ASMTL: variants seen among roughly 807,000 people sequenced by gnomAD.
ASMTL encodes probable bifunctional dTTP/UTP pyrophosphatase/methyltransferase protein.
In ASMTL, 57 loss-of-function variants were observed where a neutral mutation model predicts 60.3. That is an observed-to-expected ratio of 0.95 (90% CI 0.76 to 1.18). ASMTL has a LOEUF of 1.18. Among genes scored for constraint, ASMTL ranks in the 50% most tolerant of loss-of-function variants. The pLI, the probability that ASMTL is intolerant of heterozygous loss-of-function variation, is 0.00. For missense variants in ASMTL, 981 were observed against 852.6 expected (o/e 1.15, Z -1.88); for synonymous variants, 419 against 373.0 (o/e 1.12, Z -1.42).
intron 6 of ASMTL, 112 bp downstream of exon 6, chrX:1,432,157 C>G: frequency 1.2e-6 from 1 of 843,088 alleles, no homozygotes. Flanking sequence ...TGCCACACGG[C>G]CCCCGGAGCG....
At chrX:1,452,497 G>A (rs1194106381) in intron 1 of ASMTL, among the ~76,000 whole-genome samples, 1 of 149,278 alleles carries the variant, frequency 6.7e-6, no homozygotes, top group African/African-American at 2.5e-5. Flanking sequence ...CATCCCTATG[G>A]GGACCCAGGT....
In ASMTL at chrX:1,435,278, C is replaced by T. The variant is rs371070606; in HGVS notation, c.339-195G>A. On this transcript the variant is annotated intron_variant, in intron 4 of 12. Transcript: ENST00000381317. ...GAGGCCGAGGGAAGGGGTCACAAAT[C>T]CCACCAGCAGTGGCCCTGACGGGAG... The T allele has an allele frequency of 7.5e-4, 506 of 676,322 alleles. 2 individuals carry two copies. The highest frequency in any genetic ancestry group is 7.1e-3 in the African/African-American group (399 of 56,190). 41.9% of individuals were successfully genotyped at this position (676,322 alleles called of 1,614,324 possible).
At chrX:1,442,079 G>A in intron 2 of ASMTL, 107 bp downstream of exon 2, 3 of 1,335,276 alleles carry the variant, frequency 2.2e-6, no homozygotes, top group South Asian at 2.6e-5. Context: ...GCCACCAACT[G>A]CATCTTTTGA....
chrX:1,431,860 C>G, intron 6 of ASMTL: 1 of 200,818 alleles, frequency 5.0e-6, no homozygotes, highest in East Asian at 1.3e-4. Context: ...CCCGTGCTCA[C>G]CAATCTGTGG....
chrX:1,407,540 G>A (rs2089911051), intron 12 of ASMTL, among the ~76,000 whole-genome samples: 1 of 151,822 alleles, frequency 6.6e-6, no homozygotes, highest in African/African-American at 2.4e-5. Flanking sequence ...GTAGGTAGAT[G>A]ATGGATGGAT....
At chrX:1,432,555 C>A (rs1427582656) in intron 5 of ASMTL, among the ~76,000 whole-genome samples, 178 bp from the exon 6 acceptor site, 1 of 152,204 alleles carries the variant, frequency 6.6e-6, no homozygotes, top group Non-Finnish European at 1.5e-5. Flanking sequence ...AGGGGCCGGG[C>A]GCGGTGGCTC....
intron 11 of ASMTL, chrX:1,413,733 C>G (rs1300002398): frequency 6.6e-6 from 1 of 152,306 alleles, no homozygotes; most frequent in Non-Finnish European, 1.5e-5. Flanking sequence ...AGGGTGTCCC[C>G]TAAATCCAAT....
At position 1,412,915 on chromosome X, in the gene ASMTL, C is replaced by T. The variant is rs184571688; in HGVS notation, c.1523-61G>A. 158 of 1,598,332 alleles carry T rather than the reference C, an allele frequency of 9.9e-5. No individual in the cohort carries two copies. The African/African-American group carries it at 1.9e-3, about 19-fold the overall frequency. On this transcript the variant is annotated intron_variant, in intron 11 of 12. Coordinates refer to ENST00000381317, the MANE Select transcript of ASMTL (RefSeq NM_004192.4). ...TATGGAAGAAGCAGTCCTCCCCGGA[C>T]AGATCCTGGGACGGCCACCCGCATC...
intron 1 of ASMTL, among the ~76,000 whole-genome samples, chrX:1,443,253 ACGCCGCCGTCTTGGACACACAC>A (rs2091151036): frequency 1.7e-5 from 2 of 118,016 alleles, no homozygotes; most frequent in South Asian, 5.1e-4. Context: ...TCGTGGACAC[ACGCCGCCGTCTTGGACACACAC>A]CGCCATCATG....
intron 11 of ASMTL, chrX:1,413,108 A>C: frequency 2.0e-6 from 1 of 503,916 alleles, no homozygotes; most frequent in South Asian, 2.7e-5. Flanking sequence ...CACACCTGTA[A>C]TCTCAGCATT....
intron 12 of ASMTL, among the ~76,000 whole-genome samples, chrX:1,410,978 G>A (rs765942151): frequency 1.8e-4 from 27 of 151,998 alleles, no homozygotes; most frequent in Admixed American, 4.6e-4. Flanking sequence ...CCGAGGTTGG[G>A]AGTTCGAGAC....
chrX:1,412,587 TC>T, intron 12 of ASMTL, 144 bp downstream of exon 12: 1 of 1,070,986 alleles, frequency 9.3e-7, no homozygotes. Context: ...GGTCTGAAAC[TC>T]CTGACCTCAG....
At chrX:1,432,506 T>A in intron 5 of ASMTL, 129 bp from the exon 6 acceptor site, 1 of 714,518 alleles carries the variant, frequency 1.4e-6, no homozygotes, top group Non-Finnish European at 2.5e-6. Flanking sequence ...GGATGCTTCA[T>A]GGGAGAATAA....
intron 1 of ASMTL, among the ~76,000 whole-genome samples, chrX:1,449,367 T>C (rs1218886924): frequency 6.6e-6 from 1 of 151,918 alleles, no homozygotes; most frequent in Non-Finnish European, 1.5e-5. Context: ...GCCCTGGACC[T>C]GCCCTGCAGA....
Position 1,452,748 on chromosome X carries a change from C to T in ASMTL, c.93G>A (p.Ala31=). The change falls in exon 1 of 13, where the codon GCG becomes GCA. Residue 31 remains alanine, a splice_region_variant and synonymous_variant. Coordinates refer to ENST00000381317, the MANE Select transcript of ASMTL (RefSeq NM_004192.4). ...SPRRQEILSN[A]GLRFEVVPSK... is the part of the protein sequence containing the mutation. ...TGCCCCGCCCAGGCCCAGGCCGTACCGCGTTGCTGAGGATCTCCTGACGGC... is the reference window on the plus strand; with the variant it reads ...TGCCCCGCCCAGGCCCAGGCCGTACTGCGTTGCTGAGGATCTCCTGACGGC... The T allele has an allele frequency of 1.9e-6, 3 of 1,589,352 alleles. No homozygotes were observed. The highest frequency in any genetic ancestry group is 2.3e-5 in the South Asian group (2 of 88,230).
chrX:1,446,745 A>C (rs1236832413), intron 1 of ASMTL, among the ~76,000 whole-genome samples: 1 of 151,996 alleles, frequency 6.6e-6, no homozygotes, highest in Non-Finnish European at 1.5e-5. Context: ...GTGATCCGCC[A>C]ACCTCGGCCT....
In ASMTL at chrX:1,428,027, T is replaced by A; in HGVS notation, c.604A>T (p.Asn202Tyr). 1 of 1,613,662 alleles carries A rather than the reference T, an allele frequency of 6.2e-7. No individual in the cohort carries two copies. The highest frequency in any genetic ancestry group is 8.5e-7 in the Non-Finnish European group (1 of 1,179,860). The change falls in exon 7 of 13, where the codon AAC (asparagine) becomes TAC (tyrosine). Residue 202 changes from asparagine (N) to tyrosine (Y), a missense_variant. By Grantham distance (143) the Asn-to-Tyr change is moderately radical. Transcript: ENST00000381317. ...TTCACCAGCTGCTTGCAGAAGTGGT[T>A]CAGCGGGAATCCCACCACGTTCAGA... ...DFLNVVGFPLNHFCKQLVKLY... is the reference protein window; with the variant it reads ...DFLNVVGFPLYHFCKQLVKLY...
chrX:1,445,816 G>C, intron 1 of ASMTL, among the ~76,000 whole-genome samples: 1 of 152,228 alleles, frequency 6.6e-6, no homozygotes, highest in East Asian at 1.9e-4. Flanking sequence ...TGTAGGAAAA[G>C]CCAGGCCATA....
chrX:1,419,189 G>A, intron 9 of ASMTL, 75 bp from the exon 10 acceptor site: 8 of 1,560,072 alleles, frequency 5.1e-6, no homozygotes, highest in Non-Finnish European at 3.5e-6. Context: ...CTGGGGGTCG[G>A]GGGGAGAAGT....
Sources: gnomAD v4.1 joint callset for allele counts (sites outside exome capture counted in the v4.1 genomes callset) on GRCh38, gnomAD v4.1.1 for gene constraint, MANE v1.5 for transcripts, NCBI Gene and HGNC (gene_info 2026-07-23, HGNC 2026-07-21) for gene names.